Variants in DMD observed in about 807,000 individuals in gnomAD.
DMD encodes the protein dystrophin.
DMD carries 63 observed loss-of-function variants against 330.1 expected under a neutral mutation model. The ratio of observed to expected loss-of-function variants is 0.19; its 90% CI spans 0.16 to 0.24. The LOEUF (loss-of-function observed/expected upper bound fraction) is 0.24, where lower values mean the gene tolerates loss of function less well. Among genes scored for constraint, DMD ranks in the 10% least tolerant of loss-of-function variants. The pLI is 1.00. For synonymous variants in DMD, 1,223 were observed against 959.8 expected, an observed-to-expected ratio of 1.27 and a Z score of -5.07; for missense variants, 3,344 against 2,684.1, an observed-to-expected ratio of 1.25 and a Z score of -5.43.
intron 63 of DMD, among the ~76,000 whole-genome samples, chrX:31,254,026 A>G (rs2049672068): frequency 8.9e-6 from 1 of 112,323 alleles, no homozygotes; most frequent in Non-Finnish European, 1.9e-5. Flanking sequence ...TAACTTAAGA[A>G]AAGGAAAACC....
At chrX:31,923,972 T>A (rs1220697754) in intron 47 of DMD, among the ~76,000 whole-genome samples, 1 of 112,110 alleles carries the variant, frequency 8.9e-6, no homozygotes, top group Admixed American at 9.5e-5. Context: ...ACAAATACAC[T>A]TCAAGGGAGA....
intron 2 of DMD, among the ~76,000 whole-genome samples, chrX:32,887,059 C>A (rs1276506820): frequency 8.9e-6 from 1 of 111,889 alleles, no homozygotes; most frequent in Non-Finnish European, 1.9e-5. Flanking sequence ...AATAATTGGA[C>A]CCTTACAGCT....
chrX:31,603,003 T>C (rs2077441721), intron 55 of DMD, among the ~76,000 whole-genome samples: 1 of 111,717 alleles, frequency 9.0e-6, no homozygotes, highest in African/African-American at 3.2e-5. Context: ...AGACATGTTT[T>C]GTCTAATGGG....
intron 16 of DMD, among the ~76,000 whole-genome samples, chrX:32,559,098 C>T (rs1033813600): frequency 7.3e-5 from 8 of 109,238 alleles, no homozygotes; most frequent in African/African-American, 1.0e-4. Context: ...TTACAAGCGC[C>T]TGCCACCATG....
chrX:32,309,456 C>T (rs909826986), intron 42 of DMD, among the ~76,000 whole-genome samples: 10 of 111,264 alleles, frequency 9.0e-5, no homozygotes, highest in African/African-American at 3.3e-4. Flanking sequence ...TATCTTCAGA[C>T]ACTGCCTTCT....
chrX:32,425,345 G>A (rs1171941978), intron 29 of DMD, among the ~76,000 whole-genome samples: 1 of 110,639 alleles, frequency 9.0e-6, no homozygotes. Flanking sequence ...GAACCTCCTT[G>A]TATTATCTCA....
At chrX:31,893,084 C>A (rs1422191957) in intron 47 of DMD, among the ~76,000 whole-genome samples, 1 of 111,700 alleles carries the variant, frequency 9.0e-6, no homozygotes, top group Admixed American at 9.5e-5. Flanking sequence ...CCATAGATGT[C>A]AAAAGTCATG....
chrX:32,417,912 A>G (rs2098172387), intron 29 of DMD, among the ~76,000 whole-genome samples: 1 of 108,480 alleles, frequency 9.2e-6, no homozygotes. Flanking sequence ...CTTAACTCCT[A>G]CTTCCCAAGA....
chrX:33,254,053 A>C (rs2052815248), intron 1 of DMD, among the ~76,000 whole-genome samples: 1 of 110,660 alleles, frequency 9.0e-6, no homozygotes, highest in Non-Finnish European at 1.9e-5. Context: ...TTTTGTAAAC[A>C]GTTAGCAGAA....
chrX:32,448,304 C>T (rs1268182088), intron 27 of DMD, 152 bp downstream of exon 27: 3 of 532,001 alleles, frequency 5.6e-6, no homozygotes, highest in Non-Finnish European at 6.2e-6. Flanking sequence ...ACAAGTTAAG[C>T]AAATGGCCCA....
chrX:31,326,771 T>C (rs1229728633), intron 61 of DMD, among the ~76,000 whole-genome samples: 1 of 111,293 alleles, frequency 9.0e-6, no homozygotes, highest in African/African-American at 3.3e-5. Context: ...TTGTCGACAA[T>C]TTCATTTGGG....
At chrX:32,473,724 G>A (rs927747061) in intron 21 of DMD, among the ~76,000 whole-genome samples, 1 of 111,363 alleles carries the variant, frequency 9.0e-6, no homozygotes, top group Non-Finnish European at 1.9e-5. Flanking sequence ...AATGTTAAGA[G>A]ATTATATTTA....
intron 7 of DMD, among the ~76,000 whole-genome samples, chrX:32,753,789 A>G (rs995736592): frequency 8.9e-6 from 1 of 112,002 alleles, no homozygotes; most frequent in Non-Finnish European, 1.9e-5. Flanking sequence ...ACTTGCGTCT[A>G]CATGTTAATA....
At chrX:31,170,721 C>T (rs778067210) in intron 73 of DMD, among the ~76,000 whole-genome samples, 27 of 111,580 alleles carry the variant, frequency 2.4e-4, no homozygotes, top group African/African-American at 7.8e-4. Context: ...TGAAGTCAAC[C>T]AATCCACCAA....
chrX:32,362,674 C>T, intron 37 of DMD, 114 bp downstream of exon 37: 3 of 844,261 alleles, frequency 3.6e-6, no homozygotes, highest in Non-Finnish European at 5.3e-6. Flanking sequence ...TTTTGGCATT[C>T]ATTTTCCTTT....
At chrX:32,133,621 G>C (rs185196784) in intron 44 of DMD, among the ~76,000 whole-genome samples, 50 of 110,955 alleles carry the variant, frequency 4.5e-4, no homozygotes, top group African/African-American at 1.5e-3. Context: ...TCAGTTTAGG[G>C]CAACTTTATC....
intron 55 of DMD, among the ~76,000 whole-genome samples, chrX:31,528,227 T>G (rs2073396327): frequency 1.1e-5 from 1 of 94,328 alleles, no homozygotes; most frequent in African/African-American, 4.3e-5. Context: ...ACCTAAACAG[T>G]ATACCAGCAT....
At chrX:32,258,773 T>C (rs1414421663) in intron 43 of DMD, among the ~76,000 whole-genome samples, 2 of 110,802 alleles carry the variant, frequency 1.8e-5, no homozygotes, top group African/African-American at 6.6e-5. Flanking sequence ...GCAACAAACC[T>C]GCCCGTTCTG....
intron 1 of DMD, among the ~76,000 whole-genome samples, chrX:33,194,700 G>T (rs960720661): frequency 9.1e-5 from 10 of 109,967 alleles, no homozygotes; most frequent in Non-Finnish European, 1.9e-4. Flanking sequence ...CAGGTCAGAG[G>T]GCCTACTACT....
Sources: gnomAD v4.1 joint callset for allele counts (sites outside exome capture counted in the v4.1 genomes callset) on GRCh38, gnomAD v4.1.1 for gene constraint, MANE v1.5 for transcripts, NCBI Gene and HGNC (gene_info 2026-07-23, HGNC 2026-07-21) for gene names.